CORIN: variants seen among roughly 807,000 people sequenced by gnomAD.
The protein encoded by CORIN is atrial natriuretic peptide-converting enzyme.
In CORIN, 117 loss-of-function variants were observed where a neutral mutation model predicts 125.3. The observed-to-expected ratio is 0.93, with a 90% CI of 0.80 to 1.09. The LOEUF (loss-of-function observed/expected upper bound fraction) is 1.09. Ranked by LOEUF, CORIN falls within the 50% of genes least tolerant of loss-of-function variation. The pLI is 0.00. For synonymous variants in CORIN, 450 were observed against 466.4 expected (o/e 0.96, Z 0.45); for missense variants, 1,253 against 1,306.7 (o/e 0.96, Z 0.63).
intron 20 of CORIN, among the ~76,000 whole-genome samples, chr4:47,602,942 T>C (rs1721501682): frequency 6.6e-6 from 1 of 152,080 alleles, no homozygotes; most frequent in Non-Finnish European, 1.5e-5. Context: ...CACTGCAGCC[T>C]CCACCTTCCA....
intron 5 of CORIN, among the ~76,000 whole-genome samples, chr4:47,715,960 G>A (rs149166368): frequency 2.0e-5 from 3 of 152,154 alleles, no homozygotes; most frequent in Admixed American, 6.5e-5. Context: ...TCTGTTTGGC[G>A]TGAGGTTTCC....
chr4:47,835,588 G>A (rs974410676), intron 1 of CORIN, among the ~76,000 whole-genome samples: 2 of 152,186 alleles, frequency 1.3e-5, no homozygotes, highest in Admixed American at 1.3e-4. Flanking sequence ...TGAAGCTCCT[G>A]GGCCACTCAG....
At chr4:47,676,609 C>T (rs1223008930) in intron 9 of CORIN, among the ~76,000 whole-genome samples, 1 of 152,170 alleles carries the variant, frequency 6.6e-6, no homozygotes, top group African/African-American at 2.4e-5. Context: ...CCACTGAATT[C>T]CCAGGGGATG....
intron 1 of CORIN, among the ~76,000 whole-genome samples, chr4:47,820,663 G>A (rs1359385032): frequency 6.6e-6 from 1 of 151,946 alleles, no homozygotes; most frequent in Admixed American, 6.6e-5. Flanking sequence ...CTGCACTTCC[G>A]AAACTGCCCC....
In CORIN at chr4:47,643,533, C is replaced by T. The variant is rs2271035; in HGVS notation, c.1958-277G>A. 0.14 allele frequency among the ~76,000 whole-genome samples: 20,811 copies of T among 152,050 alleles called. 1,909 individuals are homozygous for T. The highest frequency in any genetic ancestry group is 0.47 in the East Asian group (2,416 of 5,164). The stretch of plus-strand genomic sequence containing the variant: ...AGACTGAATAAACAGTACTCACAGC[C>T]GCAGAAATACCAAAGATCAGAGAAC... On this transcript the variant is annotated intron_variant, in intron 14 of 21. Coordinates refer to ENST00000273857, the MANE Select transcript of CORIN (RefSeq NM_006587.4).
At chr4:47,646,200 C>A (rs1185734023) in intron 13 of CORIN, among the ~76,000 whole-genome samples, 2 of 152,082 alleles carry the variant, frequency 1.3e-5, no homozygotes, top group African/African-American at 2.4e-5. Context: ...TGCTTTTAAG[C>A]AAATATGCCA....
intron 3 of CORIN, among the ~76,000 whole-genome samples, chr4:47,768,028 T>C (rs1041713776): frequency 5.3e-5 from 8 of 152,134 alleles, no homozygotes; most frequent in Non-Finnish European, 8.8e-5. Context: ...GAAGTGAAAA[T>C]GGCCTGTTCT....
intron 1 of CORIN, among the ~76,000 whole-genome samples, chr4:47,823,371 C>A (rs899941142): frequency 1.3e-5 from 2 of 152,158 alleles, no homozygotes; most frequent in African/African-American, 4.8e-5. Flanking sequence ...TCAGCCATTT[C>A]TCCAAGGATC....
chr4:47,781,518 A>C (rs886675955), intron 3 of CORIN, among the ~76,000 whole-genome samples: 2 of 152,232 alleles, frequency 1.3e-5, no homozygotes, highest in African/African-American at 4.8e-5. Context: ...TTTAAGGTGA[A>C]GGCTAAGCTA....
At chr4:47,780,888 G>A (rs1451682287) in intron 3 of CORIN, among the ~76,000 whole-genome samples, 5 of 149,732 alleles carry the variant, frequency 3.3e-5, no homozygotes, top group Non-Finnish European at 4.4e-5. Flanking sequence ...AATAGCTATC[G>A]AATATATATA....
chr4:47,822,034 A>T (rs895404490), intron 1 of CORIN, among the ~76,000 whole-genome samples: 1 of 152,134 alleles, frequency 6.6e-6, no homozygotes, highest in African/African-American at 2.4e-5. Flanking sequence ...GTTGTATATT[A>T]ACAGTATACT....
At position 47,607,508 on chromosome 4, in the gene CORIN, G is replaced by A. The variant is rs1721699651; in HGVS notation, c.2541-3840C>T. ...AGTGTTCTTTTCTTCTTTTTGTTAT[G>A]AGTATATTGTGAAAAATAATGTCTC... On this transcript the variant is annotated intron_variant, in intron 19 of 21. Transcript: ENST00000273857. 1.3e-5 allele frequency among the ~76,000 whole-genome samples: 2 copies of A among 151,982 alleles called. 1 individual carries two copies. The highest frequency in any genetic ancestry group is 1.3e-4 in the Admixed American group (2 of 15,266).
intron 5 of CORIN, among the ~76,000 whole-genome samples, chr4:47,740,840 C>T (rs1728361233): frequency 6.6e-6 from 1 of 151,884 alleles, no homozygotes; most frequent in Admixed American, 6.6e-5. Context: ...GGCTCCAAGT[C>T]CATTCAGTGG....
chr4:47,807,358 T>C (rs1365751391), intron 1 of CORIN, among the ~76,000 whole-genome samples: 3 of 152,224 alleles, frequency 2.0e-5, no homozygotes, highest in Non-Finnish European at 2.9e-5. Flanking sequence ...GGGCTATGAA[T>C]GACCATGGCA....
At chr4:47,755,092 T>G (rs1046296610) in intron 4 of CORIN, among the ~76,000 whole-genome samples, 2 of 152,184 alleles carry the variant, frequency 1.3e-5, no homozygotes, top group Non-Finnish European at 2.9e-5. Context: ...GGATGCTGGA[T>G]TCCTTACCCT....
At chr4:47,797,510 G>C (rs1452388901) in intron 2 of CORIN, among the ~76,000 whole-genome samples, 1 of 151,870 alleles carries the variant, frequency 6.6e-6, no homozygotes, top group Non-Finnish European at 1.5e-5. Flanking sequence ...GCTACTTTTA[G>C]GCAATTCAAA....
chr4:47,785,356 C>T (rs1730740980), intron 3 of CORIN, among the ~76,000 whole-genome samples: 1 of 152,192 alleles, frequency 6.6e-6, no homozygotes, highest in Non-Finnish European at 1.5e-5. Flanking sequence ...GGTAGAGTCA[C>T]ATTCCAGAGC....
chr4:47,738,294 T>G (rs1007775960), intron 5 of CORIN, among the ~76,000 whole-genome samples: 1 of 152,182 alleles, frequency 6.6e-6, no homozygotes, highest in African/African-American at 2.4e-5. Flanking sequence ...GCTATAGTAT[T>G]GACTGCTATA....
At chr4:47,615,552 A>G (rs552875463) in intron 19 of CORIN, among the ~76,000 whole-genome samples, 67 of 152,360 alleles carry the variant, frequency 4.4e-4, no homozygotes, top group Non-Finnish European at 7.4e-4. Flanking sequence ...CTTGAATCCA[A>G]TATGACTAAT....
Sources: allele counts gnomAD v4.1 joint callset (sites outside exome capture counted in the v4.1 genomes callset), GRCh38; gene constraint gnomAD v4.1.1; transcripts MANE v1.5; gene names NCBI Gene and HGNC (gene_info 2026-07-23, HGNC 2026-07-21).